MAST2: variants seen among roughly 807,000 people sequenced by gnomAD.
The protein encoded by MAST2 is microtubule-associated serine/threonine-protein kinase 2.
MAST2 carries 70 observed loss-of-function variants against 147.4 expected under a neutral mutation model. The observed-to-expected ratio is 0.47, with a 90% confidence interval of 0.39 to 0.58. The LOEUF (loss-of-function observed/expected upper bound fraction) is 0.58. Among genes scored for constraint, MAST2 ranks in the 20% least tolerant of loss-of-function variants. MAST2 has a pLI of 0.00. For missense variants in MAST2, 2,080 were observed against 2,302.3 expected, an observed-to-expected ratio of 0.90 and a Z score of 1.98; for synonymous variants, 869 against 896.8, an observed-to-expected ratio of 0.97 and a Z score of 0.55.
chr1:45,901,986 A>T (rs1336978867), intron 4 of MAST2, among the ~76,000 whole-genome samples: 1 of 152,078 alleles, frequency 6.6e-6, no homozygotes, highest in East Asian at 1.9e-4. Flanking sequence ...CTCTTGCCTA[A>T]TTGCTCTGGC....
At chr1:45,874,463 T>G (rs1646517967) in intron 3 of MAST2, among the ~76,000 whole-genome samples, 1 of 152,234 alleles carries the variant, frequency 6.6e-6, no homozygotes, top group South Asian at 2.1e-4. Context: ...GCCAGGAGAC[T>G]GTCAGTAAAT....
chr1:45,830,070 TG>T, intron 3 of MAST2, among the ~76,000 whole-genome samples: 1 of 151,968 alleles, frequency 6.6e-6, no homozygotes, highest in East Asian at 1.9e-4. Flanking sequence ...TTGGCTAGGC[TG>T]GTCTTGAACT....
intron 1 of MAST2, among the ~76,000 whole-genome samples, chr1:45,806,654 T>C (rs1644150765): frequency 6.6e-6 from 1 of 152,192 alleles, no homozygotes; most frequent in Non-Finnish European, 1.5e-5. Context: ...CTCAGCTCAC[T>C]GCAACCTCTG....
intron 4 of MAST2, among the ~76,000 whole-genome samples, chr1:45,906,234 C>A (rs1262443140): frequency 6.6e-6 from 1 of 152,098 alleles, no homozygotes; most frequent in African/African-American, 2.4e-5. Context: ...TTTTGGTCAA[C>A]AACAGACTGC....
At chr1:45,915,103 T>A (rs1436140636) in intron 4 of MAST2, among the ~76,000 whole-genome samples, 3 of 152,112 alleles carry the variant, frequency 2.0e-5, no homozygotes, top group Non-Finnish European at 4.4e-5. Context: ...GCTAATTTTT[T>A]AATTTTTTTG....
chr1:45,970,413 C>T (rs1031390042), intron 5 of MAST2, among the ~76,000 whole-genome samples: 1 of 152,054 alleles, frequency 6.6e-6, no homozygotes, highest in Admixed American at 6.6e-5. Flanking sequence ...ACTTGTAATC[C>T]CAGCACTTTG....
intron 3 of MAST2, among the ~76,000 whole-genome samples, chr1:45,848,547 C>T (rs116706908): frequency 0.018 from 2,783 of 152,236 alleles, 34 homozygotes; most frequent in Middle Eastern, 0.058. Flanking sequence ...TCACTGGGAG[C>T]GAACTCTGGG....
At chr1:45,943,307 T>C (rs920676228) in intron 4 of MAST2, among the ~76,000 whole-genome samples, 7 of 152,100 alleles carry the variant, frequency 4.6e-5, no homozygotes, top group Admixed American at 2.0e-4. Flanking sequence ...TATTTGGCCA[T>C]AGCAGTTGGA....
At chr1:45,805,370 C>A (rs915748772) in intron 1 of MAST2, among the ~76,000 whole-genome samples, 1 of 152,196 alleles carries the variant, frequency 6.6e-6, no homozygotes, top group Admixed American at 6.5e-5. Context: ...AGCCCTTGGA[C>A]TTTTCCCCCC....
At chr1:45,821,440 G>A (rs957842764) in intron 1 of MAST2, among the ~76,000 whole-genome samples, 9 of 150,824 alleles carry the variant, frequency 6.0e-5, no homozygotes, top group South Asian at 2.1e-4. Flanking sequence ...AACCTGCTTA[G>A]AAGTCACGGA....
intron 3 of MAST2, among the ~76,000 whole-genome samples, chr1:45,844,285 T>G (rs752428283): frequency 6.6e-6 from 1 of 151,772 alleles, no homozygotes; most frequent in Non-Finnish European, 1.5e-5. Context: ...TTTATTTATT[T>G]TTAAACTTTT....
intron 4 of MAST2, among the ~76,000 whole-genome samples, chr1:45,938,793 T>A (rs1377361558): frequency 6.6e-6 from 1 of 152,224 alleles, no homozygotes; most frequent in Non-Finnish European, 1.5e-5. Flanking sequence ...TTAATTTACA[T>A]TTCCCTAATG....
intron 3 of MAST2, among the ~76,000 whole-genome samples, chr1:45,853,294 C>T (rs952423447): frequency 1.9e-4 from 28 of 148,512 alleles, no homozygotes; most frequent in African/African-American, 3.9e-4. Flanking sequence ...ATGTGGTTTG[C>T]AAATAACTTT....
intron 4 of MAST2, among the ~76,000 whole-genome samples, chr1:45,941,557 C>T (rs991266832): frequency 6.6e-6 from 1 of 152,120 alleles, no homozygotes; most frequent in Non-Finnish European, 1.5e-5. Context: ...CGTGCCTGGC[C>T]GTTTTAATAG....
At chr1:45,873,245 G>A (rs1646472310) in intron 3 of MAST2, among the ~76,000 whole-genome samples, 1 of 150,978 alleles carries the variant, frequency 6.6e-6, no homozygotes, top group Non-Finnish European at 1.5e-5. Context: ...CCAGGCTGGA[G>A]TCCAGTAGCA....
At chr1:45,986,887 T>A (rs1557428613) in intron 5 of MAST2, among the ~76,000 whole-genome samples, 1 of 152,216 alleles carries the variant, frequency 6.6e-6, no homozygotes, top group Non-Finnish European at 1.5e-5. Flanking sequence ...AATGCTGACC[T>A]CATAGTTATG....
intron 1 of MAST2, among the ~76,000 whole-genome samples, chr1:45,816,075 A>G (rs1644441882): frequency 6.6e-6 from 1 of 152,162 alleles, no homozygotes; most frequent in South Asian, 2.1e-4. Flanking sequence ...TTGAGTTATA[A>G]CAATTTTGAA....
intron 3 of MAST2, among the ~76,000 whole-genome samples, chr1:45,858,786 T>C (rs1238813445): frequency 6.6e-6 from 1 of 151,770 alleles, no homozygotes; most frequent in Non-Finnish European, 1.5e-5. Context: ...GAATTAATTT[T>C]TGTATAAGGT....
intron 3 of MAST2, among the ~76,000 whole-genome samples, chr1:45,841,307 T>C (rs1357783777): frequency 1.3e-5 from 2 of 152,124 alleles, no homozygotes; most frequent in African/African-American, 4.8e-5. Context: ...TTGTCTCAGG[T>C]TTGTCATTTA....
Sources: allele counts gnomAD v4.1 joint callset (sites outside exome capture counted in the v4.1 genomes callset), GRCh38; gene constraint gnomAD v4.1.1; transcripts MANE v1.5; gene names NCBI Gene and HGNC (gene_info 2026-07-23, HGNC 2026-07-21).